Variants in VPS35L observed in about 807,000 individuals in gnomAD.
VPS35L encodes VPS35 endosomal protein-sorting factor-like.
In VPS35L, 83 loss-of-function variants were observed where a neutral mutation model predicts 133.0. The ratio of observed to expected loss-of-function variants is 0.62; its 90% CI spans 0.52 to 0.75. The LOEUF (loss-of-function observed/expected upper bound fraction) is 0.75. Ranked by LOEUF, VPS35L falls within the 30% of genes least tolerant of loss-of-function variation. The pLI is 0.00. For missense variants in VPS35L, 1,083 were observed against 1,206.8 expected (o/e 0.90, Z 1.52); for synonymous variants, 423 against 449.9 (o/e 0.94, Z 0.76).
intron 27 of VPS35L, among the ~76,000 whole-genome samples, chr16:19,672,541 C>T (rs919692998): frequency 6.6e-6 from 1 of 152,232 alleles, no homozygotes; most frequent in Non-Finnish European, 1.5e-5. Context: ...GCTTCTGACT[C>T]TCCCTGTTCA....
intron 16 of VPS35L, 57 bp downstream of exon 16, chr16:19,627,862 C>A: frequency 7.3e-7 from 1 of 1,377,326 alleles, no homozygotes; most frequent in Non-Finnish European, 1.0e-6. Context: ...TATCTGATAG[C>A]TCTTGAGAGA....
chr16:19,657,715 G>T (rs74011484), intron 26 of VPS35L, among the ~76,000 whole-genome samples: 7,337 of 152,244 alleles, frequency 0.048, 581 homozygotes, highest in African/African-American at 0.16. Flanking sequence ...AATAGCCAGG[G>T]CCATGATGTG....
At chr16:19,695,770 T>C (rs1975885429) in intron 29 of VPS35L, among the ~76,000 whole-genome samples, 2 of 152,008 alleles carry the variant, frequency 1.3e-5, no homozygotes, top group African/African-American at 2.4e-5. Flanking sequence ...TGAGCTGTGA[T>C]TGCACCACTA....
At chr16:19,579,002 A>C in intron 5 of VPS35L, 50 bp from the exon 6 acceptor site, 4 of 1,460,400 alleles carry the variant, frequency 2.7e-6, no homozygotes, top group Non-Finnish European at 3.8e-6. Context: ...CACTGGGGGT[A>C]TTGGTGCACG....
intron 26 of VPS35L, among the ~76,000 whole-genome samples, chr16:19,654,937 T>A (rs977512839): frequency 6.6e-6 from 1 of 152,234 alleles, no homozygotes; most frequent in Admixed American, 6.5e-5. Context: ...TAGGGCTTTA[T>A]GATAATTTTT....
intron 14 of VPS35L, among the ~76,000 whole-genome samples, chr16:19,623,138 T>C (rs1973137189): frequency 6.6e-6 from 1 of 152,160 alleles, no homozygotes; most frequent in African/African-American, 2.4e-5. Flanking sequence ...AAATGGATCA[T>C]GGGCAAGGGG....
intron 22 of VPS35L, among the ~76,000 whole-genome samples, chr16:19,643,359 G>T (rs181237039): frequency 6.6e-6 from 1 of 152,170 alleles, no homozygotes; most frequent in African/African-American, 2.4e-5. Context: ...TTAAAATTGT[G>T]CATAGTAGAC....
chr16:19,697,816 G>A (rs1975968661), intron 29 of VPS35L, among the ~76,000 whole-genome samples: 2 of 152,238 alleles, frequency 1.3e-5, no homozygotes, highest in South Asian at 2.1e-4. Flanking sequence ...CCCTGAGTGT[G>A]TGGCCTGGAG....
intron 15 of VPS35L, among the ~76,000 whole-genome samples, chr16:19,626,565 C>A (rs1373618660): frequency 2.0e-5 from 3 of 151,944 alleles, no homozygotes; most frequent in Non-Finnish European, 4.4e-5. Context: ...AGTTCGAGAC[C>A]AGCCTGGCCA....
At position 19,647,793 on chromosome 16, in the gene VPS35L, G is replaced by C; in HGVS notation, c.1939G>C (p.Gly647Arg). Residue 647 changes from glycine (G) to arginine (R), a missense_variant, in exon 24 of 31, where the codon GGC (glycine) becomes CGC (arginine). Physicochemically the swap from Gly to Arg is moderately radical, Grantham distance 125. Coordinates refer to ENST00000417362, the MANE Select transcript of VPS35L (RefSeq NM_020314.7). ...INGFIKMVSF[G>R]RDFEQQLSFY... is the part of the protein sequence containing the mutation. ...TTCTCCTTGATTCTAGGTTTCCTTT[G>C]GCCGTGATTTTGAACAACAGCTGAG... The C allele has an allele frequency of 6.2e-7, 1 of 1,613,842 alleles. No individual in the cohort carries two copies. Among genetic ancestry groups the C allele is most frequent in the South Asian group, 1.1e-5 (1 of 91,074 alleles).
At chr16:19,667,038 A>T (rs1974717059) in intron 26 of VPS35L, among the ~76,000 whole-genome samples, 1 of 145,728 alleles carries the variant, frequency 6.9e-6, no homozygotes, top group African/African-American at 2.6e-5. Flanking sequence ...GGCTCGGCTC[A>T]CTGCAACCTC....
At chr16:19,692,594 G>A (rs751647754) in intron 29 of VPS35L, among the ~76,000 whole-genome samples, 5 of 151,652 alleles carry the variant, frequency 3.3e-5, no homozygotes, top group Non-Finnish European at 5.9e-5. Flanking sequence ...ACGGAGTTTC[G>A]CTCTTGTTGC....
At chr16:19,568,808 G>T (rs1971270698) in intron 2 of VPS35L, among the ~76,000 whole-genome samples, 1 of 152,080 alleles carries the variant, frequency 6.6e-6, no homozygotes, top group Admixed American at 6.6e-5. Flanking sequence ...ACCACACCTG[G>T]ATTATTTTCA....
At chr16:19,615,920 T>A (rs1334539582) in intron 12 of VPS35L, among the ~76,000 whole-genome samples, 194 bp from the exon 13 acceptor site, 1 of 150,894 alleles carries the variant, frequency 6.6e-6, no homozygotes, top group Non-Finnish European at 1.5e-5. Context: ...TCAGCTGAAA[T>A]CGCACCCACC....
intron 23 of VPS35L, among the ~76,000 whole-genome samples, chr16:19,647,539 C>G (rs1404756674): frequency 6.6e-6 from 1 of 152,150 alleles, no homozygotes; most frequent in Non-Finnish European, 1.5e-5. Context: ...CATTTATGTT[C>G]TGTGAAAAGG....
chr16:19,596,330 A>C (rs1015044499), intron 8 of VPS35L, among the ~76,000 whole-genome samples: 18 of 151,592 alleles, frequency 1.2e-4, no homozygotes, highest in Admixed American at 5.9e-4. Context: ...GCCACAGTGC[A>C]ATGGGGTGAT....
intron 8 of VPS35L, among the ~76,000 whole-genome samples, chr16:19,594,669 A>AAG (rs1972150801): frequency 1.8e-5 from 2 of 109,684 alleles, no homozygotes; most frequent in Non-Finnish European, 3.9e-5. Flanking sequence ...AAAAAAAAAA[A>AAG]AAGAAGAGAA....
intron 8 of VPS35L, among the ~76,000 whole-genome samples, chr16:19,600,809 A>G (rs181204215): frequency 1.3e-5 from 2 of 152,244 alleles, no homozygotes; most frequent in African/African-American, 4.8e-5. Context: ...TGCCATTTCA[A>G]GGGGCAGCTA....
rs958017369 is a variant in VPS35L at position 19,691,316 on chromosome 16, G to C, written c.2528-37G>C. ...TCTCCCTGGCCAGCATGGCCGCGGG[G>C]CTTGGGTCTGTCTCACTGTTCTTGT... On this transcript the variant is annotated intron_variant, in intron 28 of 30. Transcript: ENST00000417362. The C allele has an allele frequency of 3.9e-6, 6 of 1,556,970 alleles. No individual in the cohort carries two copies. The African/African-American group carries it at 8.1e-5, about 21-fold the overall frequency.
Sources: allele counts gnomAD v4.1 joint callset (sites outside exome capture counted in the v4.1 genomes callset), GRCh38; gene constraint gnomAD v4.1.1; transcripts MANE v1.5; gene names NCBI Gene and HGNC (gene_info 2026-07-23, HGNC 2026-07-21).